Variants in SUGCT observed in about 807,000 individuals in gnomAD.
SUGCT encodes the protein succinyl-CoA:glutarate-CoA transferase.
Under a neutral mutation model 55.0 loss-of-function variants are expected in SUGCT, and 41 were observed. That is an observed-to-expected ratio of 0.74 (90% CI 0.58 to 0.97). The LOEUF is 0.97. Among genes scored for constraint, SUGCT ranks in the 50% least tolerant of loss-of-function variants. The pLI, the probability that SUGCT is intolerant of heterozygous loss-of-function variation, is 0.00. For missense variants in SUGCT, 568 were observed against 547.8 expected (o/e 1.04, Z -0.37); for synonymous variants, 187 against 200.4 (o/e 0.93, Z 0.56).
At chr7:40,176,848 C>G (rs913802083) in intron 1 of SUGCT, among the ~76,000 whole-genome samples, 1 of 151,036 alleles carries the variant, frequency 6.6e-6, no homozygotes, top group Non-Finnish European at 1.5e-5. Flanking sequence ...TGGCAGGTGC[C>G]TGTAATCCCA....
the SUGCT span, among the ~76,000 whole-genome samples, chr7:40,926,943 T>C: frequency 6.6e-6 from 1 of 152,352 alleles, no homozygotes; most frequent in African/African-American, 2.4e-5. Flanking sequence ...ATTCATTTAA[T>C]AGAGCTGCCA....
chr7:40,522,267 A>C (rs1369152459), intron 12 of SUGCT, among the ~76,000 whole-genome samples: 1 of 152,110 alleles, frequency 6.6e-6, no homozygotes, highest in African/African-American at 2.4e-5. Flanking sequence ...TTCAAAATGT[A>C]CTGTCTCAGA....
intron 9 of SUGCT, among the ~76,000 whole-genome samples, chr7:40,330,471 T>C (rs1796246222): frequency 7.7e-6 from 1 of 129,566 alleles, no homozygotes; most frequent in Admixed American, 8.7e-5. Flanking sequence ...GACTATGCTT[T>C]AGAAGATCCG....
At chr7:40,683,822 A>G (rs993545151) in intron 12 of SUGCT, among the ~76,000 whole-genome samples, 1 of 152,262 alleles carries the variant, frequency 6.6e-6, no homozygotes, top group Non-Finnish European at 1.5e-5. Flanking sequence ...TTGCCATCAC[A>G]AAGTTCCAGA....
chr7:41,020,632 C>T, the SUGCT span, among the ~76,000 whole-genome samples: 1 of 152,056 alleles, frequency 6.6e-6, no homozygotes, highest in Admixed American at 6.6e-5. Flanking sequence ...AATAAACTGC[C>T]ATAAAAGTAA....
At chr7:40,816,926 A>G (rs1791700419) in intron 13 of SUGCT, among the ~76,000 whole-genome samples, 1 of 152,224 alleles carries the variant, frequency 6.6e-6, no homozygotes, top group Non-Finnish European at 1.5e-5. Context: ...AAGTCAAATA[A>G]GAGTTGCATG....
At chr7:40,179,302 T>G (rs1438462217) in intron 1 of SUGCT, among the ~76,000 whole-genome samples, 1 of 148,242 alleles carries the variant, frequency 6.7e-6, no homozygotes, top group East Asian at 1.9e-4. Context: ...CTTTCTTTCT[T>G]TTTTTTTTTT....
chr7:40,616,639 G>T (rs1343737555), intron 12 of SUGCT, among the ~76,000 whole-genome samples: 1 of 152,218 alleles, frequency 6.6e-6, no homozygotes, highest in African/African-American at 2.4e-5. Context: ...CACTTGAAGT[G>T]CATGGTGGAT....
chr7:40,917,545 A>T, the SUGCT span, among the ~76,000 whole-genome samples: 3 of 152,128 alleles, frequency 2.0e-5, no homozygotes, highest in Non-Finnish European at 4.4e-5. Flanking sequence ...CATGGTAGAG[A>T]CTGAGTTACA....
At chr7:40,631,826 T>C (rs1799801742) in intron 12 of SUGCT, among the ~76,000 whole-genome samples, 1 of 152,194 alleles carries the variant, frequency 6.6e-6, no homozygotes, top group Admixed American at 6.5e-5. Context: ...TGAGTTGATA[T>C]TCCCGTGGTC....
At chr7:40,886,660 G>A in the SUGCT span, among the ~76,000 whole-genome samples, 2 of 152,140 alleles carry the variant, frequency 1.3e-5, no homozygotes, top group East Asian at 1.9e-4. Context: ...TCCAGAATGC[G>A]ATGCCTCCAT....
intron 13 of SUGCT, among the ~76,000 whole-genome samples, chr7:40,768,232 A>G (rs1562991213): frequency 6.6e-6 from 1 of 152,076 alleles, no homozygotes; most frequent in East Asian, 1.9e-4. Context: ...AGGCTGCTTC[A>G]CTACCTATTT....
chr7:40,149,885 C>T (rs1163736121), intron 1 of SUGCT, among the ~76,000 whole-genome samples: 2 of 152,158 alleles, frequency 1.3e-5, no homozygotes, highest in Non-Finnish European at 1.5e-5. Flanking sequence ...CGCCATCGCA[C>T]TCCAGCCTGG....
At chr7:40,135,423 A>C (rs1215249785) in intron 1 of SUGCT, among the ~76,000 whole-genome samples, 1 of 152,232 alleles carries the variant, frequency 6.6e-6, no homozygotes, top group African/African-American at 2.4e-5. Context: ...TCGTCCGCCA[A>C]GTTTAAGTAA....
At chr7:40,390,033 C>T (rs148757595) in intron 9 of SUGCT, among the ~76,000 whole-genome samples, 3,770 of 152,232 alleles carry the variant, frequency 0.025, 52 homozygotes, top group Non-Finnish European at 0.038. Flanking sequence ...AAGACAAAAA[C>T]CACATGATTA....
intron 1 of SUGCT, among the ~76,000 whole-genome samples, chr7:40,175,941 G>C (rs1049618914): frequency 1.3e-5 from 2 of 152,032 alleles, no homozygotes; most frequent in Admixed American, 1.3e-4. Context: ...AAATTTTAGT[G>C]AGTAGGCTGG....
At chr7:40,291,119 T>C (rs1793720677) in intron 8 of SUGCT, among the ~76,000 whole-genome samples, 1 of 152,210 alleles carries the variant, frequency 6.6e-6, no homozygotes, top group East Asian at 1.9e-4. Flanking sequence ...GATCTCGAAC[T>C]AGAAATACCA....
At chr7:40,893,591 A>G in the SUGCT span, among the ~76,000 whole-genome samples, 1 of 152,224 alleles carries the variant, frequency 6.6e-6, no homozygotes, top group Admixed American at 6.5e-5. Flanking sequence ...ATGCTAGTGA[A>G]CAACCAATGG....
intron 12 of SUGCT, among the ~76,000 whole-genome samples, chr7:40,734,835 C>G (rs901658895): frequency 5.9e-5 from 9 of 152,118 alleles, no homozygotes; most frequent in African/African-American, 1.9e-4. Context: ...TGAAGCATCA[C>G]TTCATTAATA....
Sources: gnomAD v4.1 joint callset for allele counts (sites outside exome capture counted in the v4.1 genomes callset) on GRCh38, gnomAD v4.1.1 for gene constraint, MANE v1.5 for transcripts, NCBI Gene and HGNC (gene_info 2026-07-23, HGNC 2026-07-21) for gene names.